The following COL28A1 variants were observed in gnomAD, a reference collection of about 807,000 sequenced individuals.
The protein encoded by COL28A1 is collagen alpha-1(XXVIII) chain.
Under a neutral mutation model 150.2 loss-of-function variants are expected in COL28A1, and 161 were observed. The observed-to-expected ratio is 1.07, with a 90% CI of 0.94 to 1.22. COL28A1 has a LOEUF of 1.22. Ranked by LOEUF, COL28A1 falls within the 50% of genes most tolerant of loss-of-function variation. The pLI, the probability that COL28A1 is intolerant of heterozygous loss-of-function variation, is 0.00. For synonymous variants in COL28A1, 552 were observed against 469.7 expected, an observed-to-expected ratio of 1.18 and a Z score of -2.26; for missense variants, 1,617 against 1,388.3, an observed-to-expected ratio of 1.16 and a Z score of -2.62.
rs900845024 is a variant in COL28A1 at position 7,440,156 on chromosome 7, G to C, written c.1722+634C>G. Among the ~76,000 whole-genome samples, 5 of 152,214 alleles carry C rather than the reference G, an allele frequency of 3.3e-5. No homozygotes were observed. The East Asian group carries it at 9.6e-4, about 29-fold the overall frequency. On this transcript the variant is annotated intron_variant, in intron 21 of 34. Transcript: ENST00000399429. ...CACAATCCCCTTCGCTTCTTCCTCA[G>C]CACTGTGTTATCAACAATTTACCAG...
At chr7:7,534,513 T>C (rs543211504) in intron 1 of COL28A1, among the ~76,000 whole-genome samples, 3 of 152,278 alleles carry the variant, frequency 2.0e-5, no homozygotes, top group East Asian at 3.9e-4. Flanking sequence ...ACATATGACT[T>C]TTCTCTTTGG....
At chr7:7,524,012 C>T (rs912801346) in intron 4 of COL28A1, among the ~76,000 whole-genome samples, 3 of 152,226 alleles carry the variant, frequency 2.0e-5, no homozygotes, top group African/African-American at 7.2e-5. Context: ...CCTGGAGTCA[C>T]ATTCAATATT....
intron 27 of COL28A1, among the ~76,000 whole-genome samples, chr7:7,407,558 C>A (rs1189735008): frequency 6.6e-6 from 1 of 152,000 alleles, no homozygotes; most frequent in South Asian, 2.1e-4. Context: ...AGAGGAAAAA[C>A]TGTACTTGAA....
At chr7:7,530,891 C>T (rs1027941149) in intron 3 of COL28A1, among the ~76,000 whole-genome samples, 3 of 152,092 alleles carry the variant, frequency 2.0e-5, no homozygotes, top group Non-Finnish European at 2.9e-5. Context: ...GTCAAAAATA[C>T]TCAGTCCTTT....
chr7:7,458,029 AC>A (rs1226852019), intron 15 of COL28A1, among the ~76,000 whole-genome samples: 1 of 152,220 alleles, frequency 6.6e-6, no homozygotes, highest in Non-Finnish European at 1.5e-5. Flanking sequence ...GAACAAGTAT[AC>A]CTGTGGTCTC....
Position 7,429,743 on chromosome 7 carries a change from G to A in COL28A1, c.1998+2730C>T, listed in dbSNP as rs774260256. ...CAATTTCCATGGGAAGAGACAAGAAGCAATGGAAGGAAGGAAAAGCAGGTG... is the reference window on the plus strand; with the variant it reads ...CAATTTCCATGGGAAGAGACAAGAAACAATGGAAGGAAGGAAAAGCAGGTG... On this transcript the variant is annotated intron_variant, in intron 25 of 34. Transcript: ENST00000399429. 1.1e-4 allele frequency among the ~76,000 whole-genome samples: 17 copies of A among 152,104 alleles called. 1 individual carries two copies. Among genetic ancestry groups the A allele is most frequent in the Non-Finnish European group, 2.4e-4 (16 of 68,022 alleles).
chr7:7,419,869 T>A lies in COL28A1; in HGVS notation c.2067+16A>T. ...GATATCTGACCCTCACACAAAGCAC[T>A]GAGCTGAGGACTCACCTTTGGCCCT... On this transcript the variant is annotated intron_variant, in intron 26 of 34. Coordinates refer to ENST00000399429, the MANE Select transcript of COL28A1 (RefSeq NM_001037763.3). 6.4e-7 allele frequency: 1 copy of A among 1,551,278 alleles called. No homozygotes were observed. The highest frequency in any genetic ancestry group is 8.7e-7 in the Non-Finnish European group (1 of 1,149,642).
intron 9 of COL28A1, among the ~76,000 whole-genome samples, chr7:7,509,665 G>T (rs979122451): frequency 6.6e-6 from 1 of 151,788 alleles, no homozygotes; most frequent in Non-Finnish European, 1.5e-5. Context: ...TTCCTTTTTG[G>T]TATGGAAAAT....
chr7:7,384,063 T>C (rs972336657), intron 27 of COL28A1, among the ~76,000 whole-genome samples: 5 of 152,172 alleles, frequency 3.3e-5, no homozygotes, highest in African/African-American at 9.7e-5. Context: ...TTACATGTGT[T>C]TCTAAACTGT....
rs112671649 is a variant in COL28A1 at position 7,377,559 on chromosome 7, A to G, written c.2323-2062T>C. On this transcript the variant is annotated intron_variant, in intron 30 of 34. Transcript: ENST00000399429. ...CAGGCAAGGTGGTCGGCCTTCTGTC[A>G]GAGCATACTGCATTACAGTACTCGA... is the stretch of plus-strand genomic sequence containing the variant. 3.1e-3 allele frequency among the ~76,000 whole-genome samples: 471 copies of G among 152,292 alleles called. 5 individuals are homozygous for G. The highest frequency in any genetic ancestry group is 0.011 in the African/African-American group (450 of 41,552).
intron 11 of COL28A1, among the ~76,000 whole-genome samples, chr7:7,496,017 A>G (rs1259246155): frequency 6.6e-6 from 1 of 152,094 alleles, no homozygotes. Flanking sequence ...GGATCTTTGC[A>G]CAGTCTATTC....
At chr7:7,342,634 A>G in the COL28A1 span, among the ~76,000 whole-genome samples, 1 of 151,966 alleles carries the variant, frequency 6.6e-6, no homozygotes, top group Non-Finnish European at 1.5e-5. Flanking sequence ...TTCCACATGC[A>G]TATTTCACAT....
intron 11 of COL28A1, 72 bp from the exon 12 acceptor site, chr7:7,490,718 T>C: frequency 1.4e-6 from 1 of 730,744 alleles, no homozygotes; most frequent in Non-Finnish European, 2.4e-6. Context: ...AGCTTTTAGA[T>C]GTATGGTTTT....
intron 27 of COL28A1, among the ~76,000 whole-genome samples, chr7:7,399,315 A>G (rs1348338315): frequency 6.6e-6 from 1 of 152,160 alleles, no homozygotes; most frequent in Non-Finnish European, 1.5e-5. Context: ...CTCAGCCAAG[A>G]GTGACATCTT....
intron 27 of COL28A1, among the ~76,000 whole-genome samples, chr7:7,391,065 T>C (rs547323821): frequency 6.6e-6 from 1 of 152,324 alleles, no homozygotes; most frequent in South Asian, 2.1e-4. Flanking sequence ...TTAGTTGCGA[T>C]GTTAGGGTGT....
At chr7:7,385,924 T>C (rs1782154943) in intron 27 of COL28A1, among the ~76,000 whole-genome samples, 1 of 152,236 alleles carries the variant, frequency 6.6e-6, no homozygotes, top group Non-Finnish European at 1.5e-5. Flanking sequence ...AGTAAATCCA[T>C]GTCTGATCTT....
In COL28A1 at chr7:7,400,975, GGTGTGTGT is replaced by G. The variant is rs60064708; in HGVS notation, c.2136+16876_2136+16883del. 6.6e-3 allele frequency among the ~76,000 whole-genome samples: 781 copies of G among 119,098 alleles called. 6 individuals carry two copies. Among genetic ancestry groups the G allele is most frequent in the African/African-American group, 8.2e-3 (245 of 29,750 alleles). The allele number at this position is 119,098 out of a possible 152,430, so 78.1% of individuals were successfully genotyped here. A position where few individuals can be genotyped will look rare whatever the true frequency, so the allele number is the denominator to read the frequency against. ...GTCCCATAGGACGTGTGGGTATTTGGGTGTGTGTGTGTGTGTGTGTGTGTGTGTGTGTG... is the reference window on the plus strand; with the variant it reads ...GTCCCATAGGACGTGTGGGTATTTGGGTGTGTGTGTGTGTGTGTGTGTGTG... On this transcript the variant is annotated intron_variant, in intron 27 of 34. Transcript: ENST00000399429.
At chr7:7,339,627 A>T in the COL28A1 span, among the ~76,000 whole-genome samples, 1 of 151,970 alleles carries the variant, frequency 6.6e-6, no homozygotes, top group Non-Finnish European at 1.5e-5. Flanking sequence ...TTCCTGGGAG[A>T]TCTCATTCAT....
the COL28A1 span, among the ~76,000 whole-genome samples, chr7:7,349,242 T>C: frequency 6.6e-6 from 1 of 152,148 alleles, no homozygotes; most frequent in Non-Finnish European, 1.5e-5. Flanking sequence ...CTTTGTATGA[T>C]TTGAATTCTT....
Sources: allele counts gnomAD v4.1 joint callset (sites outside exome capture counted in the v4.1 genomes callset), GRCh38; gene constraint gnomAD v4.1.1; transcripts MANE v1.5; gene names NCBI Gene and HGNC (gene_info 2026-07-23, HGNC 2026-07-21).